ANKAR: variants seen among roughly 807,000 people sequenced by gnomAD.
ANKAR encodes ankyrin and armadillo repeat containing, also known as ankyrin and armadillo repeat-containing protein.
In ANKAR, 136 loss-of-function variants were observed where a neutral mutation model predicts 146.2. That is an observed-to-expected ratio of 0.93 (90% CI 0.81 to 1.07). The LOEUF (loss-of-function observed/expected upper bound fraction) is 1.07. Ranked by LOEUF, ANKAR falls within the 50% of genes least tolerant of loss-of-function variation. ANKAR has a pLI of 0.00. For synonymous variants in ANKAR, 500 were observed against 575.8 expected, an observed-to-expected ratio of 0.87 and a Z score of 1.88; for missense variants, 1,567 against 1,679.9, an observed-to-expected ratio of 0.93 and a Z score of 1.18.
intron 3 of ANKAR, among the ~76,000 whole-genome samples, chr2:189,690,521 G>T (rs2036227741): frequency 6.6e-6 from 1 of 152,204 alleles, no homozygotes; most frequent in African/African-American, 2.4e-5. Flanking sequence ...AATGGAATTT[G>T]ATGGGACTTC....
downstream of ANKAR, among the ~76,000 whole-genome samples, chr2:189,751,449 T>TG (rs1293199981): frequency 1.3e-5 from 2 of 150,510 alleles, no homozygotes; most frequent in East Asian, 3.9e-4. Flanking sequence ...GTTGTGTTTT[T>TG]TTTTTTTTTT....
rs567872013 is a variant in ANKAR, at chr2:189,720,526, G to A, written c.2467-93G>A. 688 of 869,812 alleles carry A rather than the reference G, an allele frequency of 7.9e-4. 2 individuals are homozygous for A. The highest frequency in any genetic ancestry group is 8.4e-4 in the Admixed American group (22 of 26,324). 53.9% of individuals were successfully genotyped at this position (869,812 alleles called of 1,614,324 possible). On this transcript the variant is annotated intron_variant, in intron 11 of 22. Transcript: ENST00000684021. Reference sequence around the variant, plus strand: ...CTCCCAAAGTGCTGGGATTACAGGCGTGAGCCACCACTTCCGGCCAACTTG... The same window carrying A: ...CTCCCAAAGTGCTGGGATTACAGGCATGAGCCACCACTTCCGGCCAACTTG...
intron 19 of ANKAR, among the ~76,000 whole-genome samples, chr2:189,740,989 C>T (rs1382976925): frequency 1.3e-5 from 2 of 152,138 alleles, no homozygotes; most frequent in African/African-American, 2.4e-5. Flanking sequence ...CCACCACGCC[C>T]GGCCTAAATT....
At chr2:189,742,981 C>G (rs1180304179) in intron 20 of ANKAR, among the ~76,000 whole-genome samples, 1 of 127,814 alleles carries the variant, frequency 7.8e-6, no homozygotes, top group African/African-American at 2.9e-5. Flanking sequence ...CACACACACA[C>G]CCCTGAAAGG....
rs897333519 is a variant in ANKAR at position 189,708,679 on chromosome 2, A to G, written c.2119+1533A>G. On this transcript the variant is annotated intron_variant, in intron 9 of 22. Coordinates refer to ENST00000684021, the MANE Select transcript of ANKAR (RefSeq NM_001378068.1). The stretch of plus-strand genomic sequence containing the variant: ...AGGTTTACAAATGCATTTTCAATTT[A>G]CAATATTTCAACTTACAATGGGTTT... 2.6e-5 allele frequency among the ~76,000 whole-genome samples: 4 copies of G among 152,338 alleles called. No homozygotes were observed. In the East Asian group the frequency reaches 7.7e-4, roughly 29 times the overall value.
intron 9 of ANKAR, among the ~76,000 whole-genome samples, chr2:189,708,255 A>C (rs1306436180): frequency 2.0e-5 from 3 of 152,246 alleles, no homozygotes; most frequent in Non-Finnish European, 4.4e-5. Context: ...CCTGCAGTAC[A>C]GTACAAAAAG....
chr2:189,739,003 G>C (rs1017309620), intron 19 of ANKAR, among the ~76,000 whole-genome samples: 3 of 152,134 alleles, frequency 2.0e-5, no homozygotes, highest in African/African-American at 7.2e-5. Context: ...TAAAAAAACT[G>C]ATTTATAATA....
In ANKAR at chr2:189,711,048, G is replaced by T. The variant is rs1481314659; in HGVS notation, c.2120-1G>T. ...GTGTTTTTCTGTTGAACACTTAACA[G>T]AAATGTTACAGTGTGAAAGCTATAA... On this transcript the variant is annotated splice_acceptor_variant, in intron 9 of 22. Coordinates refer to ENST00000684021, the MANE Select transcript of ANKAR (RefSeq NM_001378068.1). LOFTEE classifies it high-confidence loss of function. 2 of 1,609,994 alleles carry T rather than the reference G, an allele frequency of 1.2e-6. No homozygotes were observed. Among genetic ancestry groups the T allele is most frequent in the Admixed American group, 1.7e-5 (1 of 59,254 alleles).
chr2:189,722,403 T>C (rs1289628591), intron 12 of ANKAR, among the ~76,000 whole-genome samples: 3 of 151,514 alleles, frequency 2.0e-5, no homozygotes, highest in African/African-American at 7.3e-5. Flanking sequence ...TTTAAACATA[T>C]AATTTTTACT....
downstream of ANKAR, chr2:189,761,766 CA>C: frequency 8.3e-7 from 1 of 1,209,628 alleles, no homozygotes; most frequent in Non-Finnish European, 1.1e-6. Context: ...TAAAAGTCAC[CA>C]AAAGTTTGTA....
chr2:189,749,603 C>T (rs2044784537), downstream of ANKAR, among the ~76,000 whole-genome samples: 2 of 151,878 alleles, frequency 1.3e-5, no homozygotes, highest in Non-Finnish European at 2.9e-5. Flanking sequence ...TACAATTTCT[C>T]AAATAACTGA....
chr2:189,725,151 G>A (rs1211488306), intron 12 of ANKAR, among the ~76,000 whole-genome samples: 1 of 152,092 alleles, frequency 6.6e-6, no homozygotes, highest in Admixed American at 6.5e-5. Flanking sequence ...GCAAAGAAAT[G>A]TGCAGAATGT....
Position 189,691,308 on chromosome 2 carries a change from G to A in ANKAR, c.1040-947G>A, listed in dbSNP as rs571156418. Among the ~76,000 whole-genome samples the A allele has an allele frequency of 7.2e-5, 11 of 152,260 alleles. No individual in the cohort carries two copies. In the East Asian group the frequency reaches 2.1e-3, roughly 29 times the overall value. Reference sequence around the variant, plus strand: ...TGACCTCAGGTGATCCACCCGCCTCGGCCTCCCAGAGTGCTGGGATTACAG... The same window carrying A: ...TGACCTCAGGTGATCCACCCGCCTCAGCCTCCCAGAGTGCTGGGATTACAG... On this transcript the variant is annotated intron_variant, in intron 3 of 22. Transcript: ENST00000684021.
intron 18 of ANKAR, chr2:189,755,056 C>A: frequency 8.1e-7 from 1 of 1,235,274 alleles, no homozygotes; most frequent in Non-Finnish European, 1.1e-6. Flanking sequence ...GAATTTTTTT[C>A]AGTTTACTAA....
In ANKAR at chr2:189,683,677, G is replaced by A. The variant is rs539541327; in HGVS notation, c.602-5850G>A. On this transcript the variant is annotated intron_variant, in intron 2 of 22. Transcript: ENST00000684021. ...CAAGCTTTGTAATTGCAGGTACATG[G>A]TGTCAAGCTAGCAGCAGTGTAAGTT... Among the ~76,000 whole-genome samples the A allele has an allele frequency of 3.9e-5, 6 of 152,304 alleles. 1 individual carries two copies. The East Asian group carries it at 1.2e-3, about 29-fold the overall frequency.
rs1033525509 is a variant in ANKAR at position 189,695,022 on chromosome 2, A to G, written c.1349A>G (p.Gln450Arg). 5 of 1,572,756 alleles carry G rather than the reference A, an allele frequency of 3.2e-6. No individual in the cohort carries two copies. The highest frequency in any genetic ancestry group is 3.4e-6 in the Non-Finnish European group (4 of 1,159,614). Reference sequence around the variant, plus strand: ...TTTGAACTAGAAACTTTCTATCAGCAACTATATAAGACACAGTGGTGGGGA... The same window carrying G: ...TTTGAACTAGAAACTTTCTATCAGCGACTATATAAGACACAGTGGTGGGGA... Reference protein sequence around the residue: ...IYFELETFYQQLYKTQWWGAI... With the variant: ...IYFELETFYQRLYKTQWWGAI... The change falls in exon 6 of 23, where the codon CAA becomes CGA. Residue 450 changes from glutamine to arginine, a missense_variant. Gln to Arg is a conservative substitution (Grantham distance 43). Coordinates refer to ENST00000684021, the MANE Select transcript of ANKAR (RefSeq NM_001378068.1).
chr2:189,756,409 C>G (rs114730418), intron 18 of ANKAR, among the ~76,000 whole-genome samples: 1 of 150,588 alleles, frequency 6.6e-6, no homozygotes, highest in Non-Finnish European at 1.5e-5. Flanking sequence ...CTGCTAGTTT[C>G]AAAAAAAAAT....
chr2:189,762,337 C>T (rs1032718570), downstream of ANKAR, among the ~76,000 whole-genome samples: 2 of 152,162 alleles, frequency 1.3e-5, no homozygotes, highest in Non-Finnish European at 2.9e-5. Flanking sequence ...CCAGATCATC[C>T]GTTCTAAAAC....
Position 189,743,302 on chromosome 2 carries a change from G to C in ANKAR, c.3838G>C (p.Gly1280Arg). Residue 1280 changes from glycine to arginine, a missense_variant, in exon 21 of 23, where the codon GGC (glycine) becomes CGC (arginine). Gly to Arg is a moderately radical substitution (Grantham distance 125). Transcript: ENST00000684021. ...EVRAACSSAL[G>R]YLTYNANAFR... is the part of the protein sequence containing the mutation. ...TCGTGCAGCTTGTTCCTCTGCTCTT[G>C]GCTACTTAACATACAATGCAAATGC... 1.2e-6 allele frequency: 2 copies of C among 1,613,870 alleles called. No homozygotes were observed. The highest frequency in any genetic ancestry group is 2.2e-5 in the South Asian group (2 of 91,056).
Sources: gnomAD v4.1 joint callset for allele counts (sites outside exome capture counted in the v4.1 genomes callset) on GRCh38, gnomAD v4.1.1 for gene constraint, MANE v1.5 for transcripts, NCBI Gene and HGNC (gene_info 2026-07-23, HGNC 2026-07-21) for gene names.